The following FARSA variants were observed in gnomAD, a reference collection of about 807,000 sequenced individuals.
FARSA encodes phenylalanyl-tRNA synthetase subunit alpha.
A neutral mutation model predicts 63.2 loss-of-function variants in FARSA; 37 were observed. The observed-to-expected ratio is 0.59, with a 90% CI of 0.45 to 0.77. The LOEUF is 0.77. Ranked by LOEUF, FARSA falls within the 30% of genes least tolerant of loss-of-function variation. The pLI, the probability that FARSA is intolerant of heterozygous loss-of-function variation, is 0.00. For synonymous variants in FARSA, 312 were observed against 285.1 expected (o/e 1.09, Z -0.95); for missense variants, 618 against 696.6 (o/e 0.89, Z 1.27).
chr19:12,928,923 G>T, intron 4 of FARSA, 76 bp from the exon 5 acceptor site: 2 of 1,287,534 alleles, frequency 1.6e-6, no homozygotes, highest in Non-Finnish European at 2.3e-6. Context: ...GTCTGATGAG[G>T]ATCCCCATGC....
intron 7 of FARSA, among the ~76,000 whole-genome samples, chr19:12,928,023 C>CGAA (rs1971346727): frequency 1.4e-5 from 1 of 73,384 alleles, no homozygotes; most frequent in African/African-American, 4.8e-5. Flanking sequence ...GACCCTGTCT[C>CGAA]AAAAAAAAAA....
Position 12,924,084 on chromosome 19 carries a change from C to T in FARSA, c.1388+67G>A, listed in dbSNP as rs950409758. 2.4e-5 allele frequency: 30 copies of T among 1,250,772 alleles called. No individual in the cohort carries two copies. The African/African-American group carries it at 4.1e-4, about 17-fold the overall frequency. 77.5% of individuals were successfully genotyped at this position (1,250,772 alleles called of 1,614,324 possible). ...ATGAATGGGTGGTGCTGAAACCACG[C>T]AGGCCCCTATACCTGGAGAGTTATT... is the stretch of plus-strand genomic sequence containing the variant. On this transcript the variant is annotated intron_variant, in intron 12 of 12. Coordinates refer to ENST00000314606, the MANE Select transcript of FARSA (RefSeq NM_004461.3). This position sits in a 1 kb window ranked among gnomAD's most constrained non-coding sequence, Gnocchi z 6.4.
intron 7 of FARSA, among the ~76,000 whole-genome samples, chr19:12,928,029 A>AAAG (rs2145997688): frequency 1.5e-5 from 2 of 136,722 alleles, no homozygotes; most frequent in Non-Finnish European, 1.5e-5. Context: ...GTCTCAAAAA[A>AAAG]AAAAAAAAAA....
chr19:12,925,078 G>A lies in FARSA; in HGVS notation c.926+12C>T, dbSNP rs764992390. On this transcript the variant is annotated intron_variant, in intron 8 of 12. Transcript: ENST00000314606. ...CCTCCTTCCCTTCCATACCAGGTAA[G>A]TCCTGCCTCACCCCTGTGAGCCGTA... 94 of 1,613,076 alleles carry A rather than the reference G, an allele frequency of 5.8e-5. No homozygotes were observed. The highest frequency in any genetic ancestry group is 7.6e-5 in the Non-Finnish European group (90 of 1,179,780).
chr19:12,930,494 C>A lies in FARSA; in HGVS notation c.319G>T (p.Ala107Ser). The change falls in exon 3 of 13, where the codon GCC becomes TCC. Residue 107 changes from alanine (A) to serine (S), a missense_variant. By Grantham distance (99) the Ala-to-Ser change is moderately conservative. Transcript: ENST00000314606. The part of the protein sequence containing the change: ...LPSGKVGFSK[A>S]MSNKWIRVDK... ...ACCCGAATCCACTTGTTGGACATGG[C>A]CTTGCTGAAGCCCACTTTGCCACTG... 1 of 1,614,194 alleles carries A rather than the reference C, an allele frequency of 6.2e-7. No individual in the cohort carries two copies. Among genetic ancestry groups the A allele is most frequent in the Non-Finnish European group, 8.5e-7 (1 of 1,179,992 alleles).
At position 12,930,742 on chromosome 19, in the gene FARSA, T is replaced by C. The variant is rs755195431; in HGVS notation, c.155A>G (p.Glu52Gly). The change falls in exon 2 of 13, where the codon GAG becomes GGG. Residue 52 changes from glutamate (E) to glycine (G), a missense_variant. Transcript: ENST00000314606. ...GTGCTTGGTGGACCGAAGTTCAGCC[T>C]CGATGACCTAGAGGGAAATGTGGGG... ...KSLQALGEVI[E>G]AELRSTKHWE... The C allele has an allele frequency of 6.2e-7, 1 of 1,607,796 alleles. No individual in the cohort carries two copies. Among genetic ancestry groups the C allele is most frequent in the Admixed American group, 1.7e-5 (1 of 60,024 alleles).
rs771481385 is a variant in FARSA at position 12,925,122 on chromosome 19, C to A, written c.894G>T (p.Arg298=). The change falls in exon 8 of 13, where the codon CGG becomes CGT. Residue 298 remains arginine, a synonymous_variant. Coordinates refer to ENST00000314606, the MANE Select transcript of FARSA (RefSeq NM_004461.3). ...LPMDYVQRVK[R]THSQGGYGSQ... ...AGCCGTAGCCGCCCTGAGAGTGGGT[C>A]CGCTTGACCCGCTGGACATAGTCCA... 4 of 1,608,144 alleles carry A rather than the reference C, an allele frequency of 2.5e-6. No homozygotes were observed. The highest frequency in any genetic ancestry group is 3.4e-6 in the Non-Finnish European group (4 of 1,177,946).
intron 7 of FARSA, among the ~76,000 whole-genome samples, chr19:12,927,016 T>G (rs949942622): frequency 3.9e-5 from 6 of 152,346 alleles, no homozygotes; most frequent in Admixed American, 3.9e-4. Flanking sequence ...TGACCTCAAC[T>G]GCCCTCTTGG....
rs192158403 is a variant in FARSA at position 12,927,838 on chromosome 19, A to G, written c.841+504T>C. On this transcript the variant is annotated intron_variant, in intron 7 of 12. Transcript: ENST00000314606. Reference sequence around the variant, plus strand: ...GGAGTTTGAGACCACCCTGGCCAACATGGCAAAACTCCATCTCTACTAAAA... The same window carrying G: ...GGAGTTTGAGACCACCCTGGCCAACGTGGCAAAACTCCATCTCTACTAAAA... Among the ~76,000 whole-genome samples the G allele has an allele frequency of 3.8e-4, 57 of 150,632 alleles. 4 individuals carry two copies. The highest frequency in any genetic ancestry group is 1.4e-3 in the African/African-American group (57 of 41,020).
rs1178603623 is a variant in FARSA, at chr19:12,925,123, C to T, written c.893G>A (p.Arg298Gln). 4 of 1,608,020 alleles carry T rather than the reference C, an allele frequency of 2.5e-6. No individual in the cohort carries two copies. Among genetic ancestry groups the T allele is most frequent in the African/African-American group, 1.3e-5 (1 of 74,728 alleles). ...LPMDYVQRVK[R>Q]THSQGGYGSQ... The stretch of plus-strand genomic sequence containing the variant: ...GCCGTAGCCGCCCTGAGAGTGGGTC[C>T]GCTTGACCCGCTGGACATAGTCCAT... The change falls in exon 8 of 13, where the codon CGG becomes CAG. Residue 298 changes from arginine to glutamine, a missense_variant. Transcript: ENST00000314606.
chr19:12,924,695 T>A lies in FARSA; in HGVS notation c.1139A>T (p.His380Leu), dbSNP rs143923872. The change falls in exon 10 of 13, where the codon CAT becomes CTT. Residue 380 changes from histidine to leucine, a missense_variant. By Grantham distance (99) the His-to-Leu change is moderately conservative. Coordinates refer to ENST00000314606, the MANE Select transcript of FARSA (RefSeq NM_004461.3). This position sits in a 1 kb window ranked among gnomAD's most constrained non-coding sequence, Gnocchi z 6.4. ...FHQIEGVVAD[H>L]GLTLGHLMGV... The stretch of plus-strand genomic sequence containing the variant: ...CATGAGGTGGCCCAAGGTGAGACCA[T>A]GATCCGCCACCACGCCCTCGATCTG... 1 of 1,592,466 alleles carries A rather than the reference T, an allele frequency of 6.3e-7. No individual in the cohort carries two copies. The highest frequency in any genetic ancestry group is 8.6e-7 in the Non-Finnish European group (1 of 1,166,610).
chr19:12,922,644 C>T lies in FARSA; in HGVS notation c.*104G>A. The T allele has an allele frequency of 7.0e-7, 1 of 1,418,500 alleles. No individual in the cohort carries two copies. Among genetic ancestry groups the T allele is most frequent in the Non-Finnish European group, 9.7e-7 (1 of 1,033,340 alleles). The allele number at this position is 1,418,500 out of a possible 1,614,324, so 87.9% of individuals were successfully genotyped here. A position where few individuals can be genotyped will look rare whatever the true frequency, so the allele number is the denominator to read the frequency against. On this transcript the variant is annotated 3_prime_UTR_variant, in exon 13 of 13. Transcript: ENST00000314606. ...CAGGTGGGAAAGAGGAAGGTGGGGG[C>T]TGGCCTCACAGAGGCCTCATAAATA...
In FARSA at chr19:12,924,940, T is replaced by A; in HGVS notation, c.990A>T (p.Ser330=). The A allele has an allele frequency of 6.2e-7, 1 of 1,614,224 alleles. No individual in the cohort carries two copies. The highest frequency in any genetic ancestry group is 8.5e-7 in the Non-Finnish European group (1 of 1,180,030). The change falls in exon 9 of 13, where the codon TCA becomes TCT. Residue 330 remains serine, a synonymous_variant. Transcript: ENST00000314606. This position sits in a 1 kb window ranked among gnomAD's most constrained non-coding sequence, Gnocchi z 6.4. The part of the protein sequence containing the change: ...RKNLLRTHTT[S]ASARALYRLA... The stretch of plus-strand genomic sequence containing the variant: ...GGCGGTAGAGCGCACGGGCGCTGGC[T>A]GATGTGGTGTGGGTTCGCAGTAGGT...
At chr19:12,928,246 A>G (rs1409199388) in intron 7 of FARSA, 96 bp downstream of exon 7, 1 of 968,180 alleles carries the variant, frequency 1.0e-6, no homozygotes, top group African/African-American at 1.6e-5. Context: ...GCCCAGTTCT[A>G]GACCTAATTT....
chr19:12,925,276 T>C (rs963899381), intron 7 of FARSA, 102 bp from the exon 8 acceptor site: 5 of 951,320 alleles, frequency 5.3e-6, no homozygotes, highest in East Asian at 2.6e-5. Flanking sequence ...AGTGCGGTGG[T>C]GCAATCTGGG....
intron 1 of FARSA, among the ~76,000 whole-genome samples, chr19:12,931,498 G>A (rs1004445486): frequency 1.3e-5 from 2 of 152,052 alleles, no homozygotes; most frequent in African/African-American, 2.4e-5. Flanking sequence ...TCCTGACCTC[G>A]TAATCGGCCG....
At chr19:12,932,429 C>T (rs945687315) in intron 1 of FARSA, among the ~76,000 whole-genome samples, 2 of 152,114 alleles carry the variant, frequency 1.3e-5, no homozygotes, top group African/African-American at 2.4e-5. Flanking sequence ...ATACAAATGT[C>T]AGATCATATT....
chr19:12,931,080 T>C (rs1029914138), intron 1 of FARSA, among the ~76,000 whole-genome samples: 3 of 152,192 alleles, frequency 2.0e-5, no homozygotes, highest in African/African-American at 7.2e-5. Context: ...TGAACTGATA[T>C]GTCTCCACAT....
chr19:12,928,296 G>A (rs1971350234), intron 7 of FARSA, 46 bp downstream of exon 7: 4 of 1,495,204 alleles, frequency 2.7e-6, no homozygotes, highest in South Asian at 2.3e-5. Flanking sequence ...CTCCGCCGTG[G>A]CCTGGTGTCT....
Sources: gnomAD v4.1 joint callset for allele counts (sites outside exome capture counted in the v4.1 genomes callset) on GRCh38, gnomAD v4.1.1 for gene constraint, Gnocchi (gnomAD v3.1) non-coding constraint, MANE v1.5 for transcripts, NCBI Gene and HGNC (gene_info 2026-07-23, HGNC 2026-07-21) for gene names.